LHFPL3: variants seen among roughly 807,000 people sequenced by gnomAD.
LHFPL3 encodes LHFPL tetraspan subfamily member 3.
LHFPL3 carries 5 observed loss-of-function variants against 19.3 expected under a neutral mutation model. The observed-to-expected ratio is 0.26, with a 90% confidence interval of 0.14 to 0.54. The LOEUF (loss-of-function observed/expected upper bound fraction) is 0.54, where lower values mean the gene tolerates loss of function less well. LHFPL3 is among the 20% of genes least tolerant of loss of function. LHFPL3 has a pLI of 0.94. For missense variants in LHFPL3, 249 were observed against 307.4 expected (o/e 0.81, Z 1.42); for synonymous variants, 133 against 126.2 (o/e 1.05, Z -0.36).
chr7:104,611,184 AATG>A (rs1791207349), intron 1 of LHFPL3, among the ~76,000 whole-genome samples: 1 of 152,186 alleles, frequency 6.6e-6, no homozygotes, highest in Non-Finnish European at 1.5e-5. Flanking sequence ...AATTTTATTA[AATG>A]ATGATAAGTT....
intron 2 of LHFPL3, among the ~76,000 whole-genome samples, chr7:104,889,005 A>G (rs1239074880): frequency 6.6e-6 from 1 of 152,196 alleles, no homozygotes; most frequent in Non-Finnish European, 1.5e-5. Flanking sequence ...GACCAAAGAC[A>G]GAAAGAGAAG....
intron 1 of LHFPL3, among the ~76,000 whole-genome samples, chr7:104,650,341 C>T (rs1163074998): frequency 2.6e-5 from 4 of 152,176 alleles, no homozygotes; most frequent in Non-Finnish European, 4.4e-5. Flanking sequence ...GAACCTATAC[C>T]ATAGAGCAAG....
chr7:104,602,020 CT>C lies in LHFPL3; in HGVS notation c.446-134635del, dbSNP rs57501560. Among the ~76,000 whole-genome samples the C allele has an allele frequency of 3.8e-3, 350 of 91,460 alleles. 15 individuals are homozygous for C. In the East Asian group the frequency reaches 0.11, roughly 28 times the overall value. The allele number at this position is 91,460 out of a possible 152,430, so 60.0% of individuals were successfully genotyped here. On this transcript the variant is annotated intron_variant, in intron 1 of 2. Transcript: ENST00000424859. Reference sequence around the variant, plus strand: ...TAGCAATTTATTTTCTTTTTCTTTTCTTTTTTTTTTTTTTTTTTTTCTGACA... The same window carrying C: ...TAGCAATTTATTTTCTTTTTCTTTTCTTTTTTTTTTTTTTTTTTTCTGACA...
At chr7:104,603,853 G>A (rs1791034242) in intron 1 of LHFPL3, among the ~76,000 whole-genome samples, 1 of 152,218 alleles carries the variant, frequency 6.6e-6, no homozygotes, top group African/African-American at 2.4e-5. Flanking sequence ...CACTGGGGTG[G>A]GGGTTGAGCC....
At chr7:104,706,865 A>G (rs6966224) in intron 1 of LHFPL3, among the ~76,000 whole-genome samples, 68,504 of 152,034 alleles carry the variant, frequency 0.45, 16,065 homozygotes, top group South Asian at 0.61. Context: ...CTCAGCCACA[A>G]TTCCATTCTT....
chr7:104,721,525 A>C (rs905454623), intron 1 of LHFPL3, among the ~76,000 whole-genome samples: 1 of 149,752 alleles, frequency 6.7e-6, no homozygotes, highest in Non-Finnish European at 1.5e-5. Flanking sequence ...GTACCCTAGA[A>C]CTTAAAGTAT....
In LHFPL3 at chr7:104,589,094, A is replaced by G. The variant is rs867924569; in HGVS notation, c.446-147581A>G. The stretch of plus-strand genomic sequence containing the variant: ...TGACTTCCTCTTTTCCTAATTGAAT[A>G]CCCTTTATTTCTTTCTCCTGCCTGA... On this transcript the variant is annotated intron_variant, in intron 1 of 2. Transcript: ENST00000424859. Among the ~76,000 whole-genome samples, 391 of 152,182 alleles carry G rather than the reference A, an allele frequency of 2.6e-3. 1 individual carries two copies. The highest frequency in any genetic ancestry group is 7.1e-3 in the African/African-American group (296 of 41,526).
intron 1 of LHFPL3, among the ~76,000 whole-genome samples, chr7:104,415,949 T>C (rs1270095951): frequency 1.3e-5 from 2 of 152,114 alleles, no homozygotes; most frequent in Non-Finnish European, 2.9e-5. Flanking sequence ...CTGGCATGGG[T>C]CAGTACATAC....
intron 2 of LHFPL3, among the ~76,000 whole-genome samples, chr7:104,902,422 AAGG>A (rs1437172754): frequency 6.0e-5 from 9 of 149,980 alleles, no homozygotes; most frequent in East Asian, 2.0e-4. Flanking sequence ...GGGAGAGGAG[AAGG>A]AGGAGGAGGA....
chr7:104,621,117 C>G (rs1365253796), intron 1 of LHFPL3, among the ~76,000 whole-genome samples: 1 of 152,168 alleles, frequency 6.6e-6, no homozygotes, highest in Non-Finnish European at 1.5e-5. Context: ...GTCTCTGAAC[C>G]CATCCCCAGA....
intron 1 of LHFPL3, among the ~76,000 whole-genome samples, chr7:104,479,653 A>T (rs560718177): frequency 2.0e-5 from 3 of 152,208 alleles, no homozygotes; most frequent in Admixed American, 6.5e-5. Flanking sequence ...CGGCTTCCCA[A>T]AGTACTGGGA....
chr7:104,391,439 G>A (rs1475040645), intron 1 of LHFPL3, among the ~76,000 whole-genome samples: 1 of 152,108 alleles, frequency 6.6e-6, no homozygotes, highest in Non-Finnish European at 1.5e-5. Flanking sequence ...TATTAAATAG[G>A]GAATCCTTTC....
chr7:104,855,349 C>T (rs753912023), intron 2 of LHFPL3, among the ~76,000 whole-genome samples: 10 of 152,174 alleles, frequency 6.6e-5, no homozygotes, highest in Non-Finnish European at 1.0e-4. Flanking sequence ...ATTTATTTTC[C>T]AGTGATATAC....
intron 1 of LHFPL3, among the ~76,000 whole-genome samples, chr7:104,337,614 C>A (rs909619224): frequency 6.6e-6 from 1 of 152,028 alleles, no homozygotes; most frequent in Non-Finnish European, 1.5e-5. Flanking sequence ...TGACGAAAAG[C>A]ATTTCTAATG....
At chr7:104,565,954 G>A (rs921779769) in intron 1 of LHFPL3, among the ~76,000 whole-genome samples, 20 of 151,998 alleles carry the variant, frequency 1.3e-4, no homozygotes, top group Non-Finnish European at 2.9e-5. Context: ...TAAGGCCCAC[G>A]GCCAGCCATT....
chr7:104,675,089 C>T (rs947748537), intron 1 of LHFPL3, among the ~76,000 whole-genome samples: 3 of 152,004 alleles, frequency 2.0e-5, no homozygotes, highest in South Asian at 2.1e-4. Context: ...TGTCAGGTGG[C>T]GATAAATACT....
At chr7:104,567,102 T>A (rs1046615565) in intron 1 of LHFPL3, among the ~76,000 whole-genome samples, 6 of 152,242 alleles carry the variant, frequency 3.9e-5, no homozygotes, top group Non-Finnish European at 2.9e-5. Flanking sequence ...CAGCTTTATA[T>A]CAAACGAAGT....
intron 1 of LHFPL3, among the ~76,000 whole-genome samples, chr7:104,717,066 G>C (rs1793401327): frequency 6.6e-6 from 1 of 152,074 alleles, no homozygotes; most frequent in Non-Finnish European, 1.5e-5. Flanking sequence ...AAAATACACA[G>C]TGGAAAAAAA....
At position 104,436,289 on chromosome 7, in the gene LHFPL3, AT is replaced by A. The variant is rs1437398620; in HGVS notation, c.445+107069del. On this transcript the variant is annotated intron_variant, in intron 1 of 2. Transcript: ENST00000424859. ...TTTTTATTGGACAATTGGTCTAGGC[AT>A]TTTGCATGCACTATTAACTCATTTA... is the stretch of plus-strand genomic sequence containing the variant. 2.0e-5 allele frequency among the ~76,000 whole-genome samples: 3 copies of A among 152,280 alleles called. No homozygotes were observed. In the East Asian group the frequency reaches 5.8e-4, roughly 29 times the overall value.
Sources: gnomAD v4.1 joint callset for allele counts (sites outside exome capture counted in the v4.1 genomes callset) on GRCh38, gnomAD v4.1.1 for gene constraint, MANE v1.5 for transcripts, NCBI Gene and HGNC (gene_info 2026-07-23, HGNC 2026-07-21) for gene names.